The following YY1AP1 variants were observed in gnomAD, a reference collection of about 807,000 sequenced individuals.
The protein encoded by YY1AP1 is YY1-associated protein 1.
A neutral mutation model predicts 39.9 loss-of-function variants in YY1AP1; 43 were observed. The ratio of observed to expected loss-of-function variants is 1.08; its 90% CI spans 0.84 to 1.39. The LOEUF is 1.39. Among genes scored for constraint, YY1AP1 ranks in the 40% most tolerant of loss-of-function variants. YY1AP1 has a pLI of 0.00. For synonymous variants in YY1AP1, 292 were observed against 331.3 expected (o/e 0.88, Z 1.29); for missense variants, 813 against 900.7 (o/e 0.90, Z 1.25).
At chr1:155,667,584 G>A (rs1028196593) in intron 9 of YY1AP1, among the ~76,000 whole-genome samples, 2 of 152,094 alleles carry the variant, frequency 1.3e-5, no homozygotes, top group African/African-American at 4.8e-5. Flanking sequence ...AGCACTTAGG[G>A]AGGCCGAGGC....
intron 3 of YY1AP1, 183 bp from the exon 4 acceptor site, chr1:155,679,695 T>C (rs952481336): frequency 1.0e-6 from 1 of 985,454 alleles, no homozygotes. Context: ...ATGACTATTA[T>C]GCCAGGAAAG....
rs369609530 is a variant in YY1AP1 at position 155,681,048 on chromosome 1, G to A, written c.-20-592C>T. Among the ~76,000 whole-genome samples the A allele has an allele frequency of 3.1e-5, 4 of 129,654 alleles. No homozygotes were observed. In the East Asian group the frequency reaches 8.8e-4, roughly 28 times the overall value. The allele number at this position is 129,654 out of a possible 152,430, so 85.1% of individuals were successfully genotyped here. ...AGCTAGATGATTTTTTTTTTTTTTT[G>A]AGACGGAGTTTCGCTCTTGTTGCCC... is the stretch of plus-strand genomic sequence containing the variant. On this transcript the variant is annotated intron_variant, in intron 2 of 10. Coordinates refer to ENST00000355499, the MANE Select transcript of YY1AP1 (RefSeq NM_139119.3).
chr1:155,659,670 C>T lies in YY1AP1; in HGVS notation c.2240G>A (p.Ser747Asn), dbSNP rs762385069. 1.2e-6 allele frequency: 2 copies of T among 1,614,224 alleles called. No homozygotes were observed. The highest frequency in any genetic ancestry group is 2.2e-5 in the South Asian group (2 of 91,086). ...TATTCTCCTAGCTCAAAGAAATCCA[C>T]TGATTTCCTCTGTAGCATCTTCAGG... The part of the protein sequence containing the change: ...MEPEDATEEI[S>N]GFL The change falls in exon 11 of 11, where the codon AGT (serine) becomes AAT (asparagine). Residue 747 changes from serine (S) to asparagine (N), a missense_variant. Transcript: ENST00000355499.
At chr1:155,676,351 T>A (rs1266326500) in intron 5 of YY1AP1, among the ~76,000 whole-genome samples, 197 bp downstream of exon 5, 1 of 152,230 alleles carries the variant, frequency 6.6e-6, no homozygotes, top group Non-Finnish European at 1.5e-5. Context: ...GGTCCTTATG[T>A]GCTGTCTTCC....
In YY1AP1 at chr1:155,675,024, T is replaced by A. The variant is rs527350721; in HGVS notation, c.397A>T (p.Thr133Ser). The change falls in exon 6 of 11, where the codon ACC becomes TCC. Residue 133 changes from threonine to serine, a missense_variant. Coordinates refer to ENST00000355499, the MANE Select transcript of YY1AP1 (RefSeq NM_139119.3). ...NPNLNPEASS[T>S]RICLKELGTF... ...TGGAAACTTACAAGACATATCCTGG[T>A]GCTACTGGCCTCCGGATTGAGATTG... 6.2e-7 allele frequency: 1 copy of A among 1,613,552 alleles called. No individual in the cohort carries two copies. Among genetic ancestry groups the A allele is most frequent in the Non-Finnish European group, 8.5e-7 (1 of 1,179,566 alleles).
Position 155,672,140 on chromosome 1 carries a change from A to G in YY1AP1, c.583+420T>C, listed in dbSNP as rs1335660849. On this transcript the variant is annotated intron_variant, in intron 7 of 10. Transcript: ENST00000355499. Reference sequence around the variant, plus strand: ...TCAGAATGGAGATATCACCTATGCTACAATCATTATGGTAAATAAAGTTAG... The same window carrying G: ...TCAGAATGGAGATATCACCTATGCTGCAATCATTATGGTAAATAAAGTTAG... The G allele has an allele frequency of 1.8e-5, 5 of 276,274 alleles. No homozygotes were observed. The Admixed American group carries it at 1.9e-4, about 11-fold the overall frequency. The allele number at this position is 276,274 out of a possible 1,614,324, so 17.1% of individuals were successfully genotyped here. A position where few individuals can be genotyped will look rare whatever the true frequency, so the allele number is the denominator to read the frequency against.
At chr1:155,680,181 CA>C (rs35423534) in intron 3 of YY1AP1, among the ~76,000 whole-genome samples, 14,181 of 104,656 alleles carry the variant, frequency 0.14, 915 homozygotes, top group African/African-American at 0.3. Context: ...GACTTTGCCT[CA>C]AAAAAAAAAA....
At chr1:155,686,075 C>G (rs1652213046) in intron 2 of YY1AP1, among the ~76,000 whole-genome samples, 1 of 136,714 alleles carries the variant, frequency 7.3e-6, no homozygotes, top group Non-Finnish European at 1.5e-5. Flanking sequence ...TCCTCTGTGG[C>G]CCAGGCTGGA....
chr1:155,665,220 C>A (rs1485849098), intron 9 of YY1AP1, among the ~76,000 whole-genome samples: 1 of 151,722 alleles, frequency 6.6e-6, no homozygotes, highest in African/African-American at 2.4e-5. Flanking sequence ...GAGTCTGAGA[C>A]CAGCCTGGGC....
chr1:155,688,692 CCTCTT>C lies in YY1AP1; in HGVS notation c.-190_-186del. The C allele has an allele frequency of 2.6e-6, 4 of 1,525,252 alleles. No individual in the cohort carries two copies. In the East Asian group the frequency reaches 7.3e-5, roughly 28 times the overall value. 94.5% of individuals were successfully genotyped at this position (1,525,252 alleles called of 1,614,324 possible). A position where few individuals can be genotyped will look rare whatever the true frequency, so the allele number is the denominator to read the frequency against. ...GCGCGAGCCCAAGCCTTCTCCACCT[CCTCTT>C]CTCTCCTCCCCCTCCCTCCCCGCCC... On this transcript the variant is annotated 5_prime_UTR_variant, in exon 1 of 11. Coordinates refer to ENST00000355499, the MANE Select transcript of YY1AP1 (RefSeq NM_139119.3).
chr1:155,660,594 G>C lies in YY1AP1; in HGVS notation c.1316C>G (p.Ser439Ter). 7.4e-6 allele frequency: 12 copies of C among 1,614,202 alleles called. No homozygotes were observed. Among genetic ancestry groups the C allele is most frequent in the Non-Finnish European group, 1.0e-5 (12 of 1,180,042 alleles). ...CACCATTTTGCTCGGAGGGGCTTCTGAATGAGTTGATTGGGCTGGTGTTTT... is the reference window on the plus strand; with the variant it reads ...CACCATTTTGCTCGGAGGGGCTTCTCAATGAGTTGATTGGGCTGGTGTTTT... ...PGKTPAQSTH[S>*]EAPPSKMVLR... is the part of the protein sequence containing the mutation. The change falls in exon 11 of 11, where the codon TCA becomes TGA. Residue 439 changes from serine to a stop codon, truncating the protein, a stop_gained. Coordinates refer to ENST00000355499, the MANE Select transcript of YY1AP1 (RefSeq NM_139119.3). LOFTEE classifies it low-confidence loss of function (END_TRUNC).
chr1:155,688,324 G>A (rs779155025), intron 1 of YY1AP1, 123 bp from the exon 2 acceptor site: 10 of 1,548,800 alleles, frequency 6.5e-6, no homozygotes, highest in African/African-American at 1.4e-5. Flanking sequence ...CAAAATGGCG[G>A]CGGCAGCGGC....
At chr1:155,688,350 G>A (rs1652957467) in intron 1 of YY1AP1, 149 bp from the exon 2 acceptor site, 1 of 1,548,334 alleles carries the variant, frequency 6.5e-7, no homozygotes, top group Admixed American at 2.0e-5. Flanking sequence ...CAGAGTGGCC[G>A]CGGCAGCTCC....
At position 155,688,204 on chromosome 1, in the gene YY1AP1, G is replaced by A; in HGVS notation, c.-151-3C>T. 1 of 1,613,922 alleles carries A rather than the reference G, an allele frequency of 6.2e-7. No individual in the cohort carries two copies. The highest frequency in any genetic ancestry group is 8.5e-7 in the Non-Finnish European group (1 of 1,179,934). On this transcript the variant is annotated splice_region_variant and splice_polypyrimidine_tract_variant and intron_variant, in intron 1 of 10. Transcript: ENST00000355499. ...GAGGCGGCCAGCGGGTAAGCCGACT[G>A]GCGGAAATGCGAGAGAGGAGAAGGG...
chr1:155,688,818 T>C, upstream of YY1AP1: 2 of 1,568,188 alleles, frequency 1.3e-6, no homozygotes, highest in Non-Finnish European at 1.7e-6. Flanking sequence ...CGCGGGACTG[T>C]TCCATTCCTG....
At chr1:155,686,847 C>G (rs1263753625) in intron 2 of YY1AP1, among the ~76,000 whole-genome samples, 1 of 151,974 alleles carries the variant, frequency 6.6e-6, no homozygotes, top group South Asian at 2.1e-4. Flanking sequence ...CGGTCTCCCC[C>G]AAATACAAGC....
intron 7 of YY1AP1, chr1:155,670,767 C>T (rs1426569177): frequency 1.3e-5 from 4 of 306,978 alleles, no homozygotes; most frequent in Admixed American, 4.8e-5. Flanking sequence ...CTCCGCCTCC[C>T]GGGTTCAGGC....
chr1:155,668,993 T>G (rs952628118), intron 8 of YY1AP1, among the ~76,000 whole-genome samples: 2 of 152,156 alleles, frequency 1.3e-5, no homozygotes, highest in Non-Finnish European at 2.9e-5. Flanking sequence ...CCTCCCAAAG[T>G]GCTGAGATTA....
chr1:155,660,503 C>T lies in YY1AP1; in HGVS notation c.1407G>A (p.Leu469=). 1.2e-6 allele frequency: 2 copies of T among 1,614,150 alleles called. No individual in the cohort carries two copies. The highest frequency in any genetic ancestry group is 1.7e-6 in the Non-Finnish European group (2 of 1,180,016). Residue 469 remains leucine (L), a synonymous_variant, in exon 11 of 11, where the codon CTG becomes CTA. Coordinates refer to ENST00000355499, the MANE Select transcript of YY1AP1 (RefSeq NM_139119.3). ...CAAAACTCTCACCTCCACTGACCCC[C>T]AGTGGAGGGACACCTGGAACTGTCT... is the stretch of plus-strand genomic sequence containing the variant. ...VLQTVPGVPP[L]GVSGGESFES...
Sources: gnomAD v4.1 joint callset for allele counts (sites outside exome capture counted in the v4.1 genomes callset) on GRCh38, gnomAD v4.1.1 for gene constraint, MANE v1.5 for transcripts, NCBI Gene and HGNC (gene_info 2026-07-23, HGNC 2026-07-21) for gene names.